Variants in F5 observed in about 807,000 individuals in gnomAD.
The protein encoded by F5 is coagulation factor V.
F5 carries 138 observed loss-of-function variants against 216.4 expected under a neutral mutation model. The observed-to-expected ratio is 0.64, with a 90% CI of 0.56 to 0.73. The LOEUF (loss-of-function observed/expected upper bound fraction) is 0.73, where lower values mean the gene tolerates loss of function less well. Among genes scored for constraint, F5 ranks in the 30% least tolerant of loss-of-function variants. F5 has a pLI of 0.00. For synonymous variants in F5, 916 were observed against 930.7 expected, an observed-to-expected ratio of 0.98 and a Z score of 0.29; for missense variants, 2,403 against 2,674.0, an observed-to-expected ratio of 0.90 and a Z score of 2.24.
In F5 at chr1:169,542,719, G is replaced by C; in HGVS notation, c.2371C>G (p.Leu791Val). 1.9e-6 allele frequency: 3 copies of C among 1,614,134 alleles called. No homozygotes were observed. The highest frequency in any genetic ancestry group is 2.5e-6 in the Non-Finnish European group (3 of 1,179,996). ...GAAGGGGCTTTCTGAGGTTCTGCAAGGTTATTGACAGTGAACTTACTAATA... is the reference window on the plus strand; with the variant it reads ...GAAGGGGCTTTCTGAGGTTCTGCAACGTTATTGACAGTGAACTTACTAATA... ...SNISKFTVNN[L>V]AEPQKAPSHQ... is the part of the protein sequence containing the mutation. The change falls in exon 13 of 25, where the codon CTT becomes GTT. Residue 791 changes from leucine (L) to valine (V), a missense_variant. This residue lies in a region of F5 where 1,425 missense variants were observed against 1,554.8 expected (regional missense o/e 0.92). Coordinates refer to ENST00000367797, the MANE Select transcript of F5 (RefSeq NM_000130.5).
intron 21 of F5, among the ~76,000 whole-genome samples, chr1:169,522,909 C>T (rs1371564220): frequency 6.6e-6 from 1 of 152,140 alleles, no homozygotes; most frequent in African/African-American, 2.4e-5. Flanking sequence ...TTCTACTCTG[C>T]CGTATACCAT....
chr1:169,547,825 C>G (rs536535570), intron 10 of F5, among the ~76,000 whole-genome samples: 1 of 152,192 alleles, frequency 6.6e-6, no homozygotes, highest in African/African-American at 2.4e-5. Context: ...TTGAACCCAG[C>G]AATTCCATTA....
At chr1:169,550,570 G>C in intron 9 of F5, 70 bp downstream of exon 9, 7 of 1,176,252 alleles carry the variant, frequency 6.0e-6, no homozygotes, top group Non-Finnish European at 8.9e-6. Context: ...CGGGCAAGGA[G>C]AATAGCAGAA....
chr1:169,571,913 A>C (rs1011577662), intron 3 of F5, among the ~76,000 whole-genome samples: 1 of 152,176 alleles, frequency 6.6e-6, no homozygotes, highest in Non-Finnish European at 1.5e-5. Context: ...CCCCCGCCTT[A>C]AACCATCTTT....
In F5 at chr1:169,514,202, A is replaced by G. The variant is rs1024479421; in HGVS notation, c.*111T>C. 1.0e-5 allele frequency: 12 copies of G among 1,154,428 alleles called. No homozygotes were observed. The African/African-American group carries it at 1.5e-4, about 15-fold the overall frequency. The allele number at this position is 1,154,428 out of a possible 1,614,324, so 71.5% of individuals were successfully genotyped here. A position where few individuals can be genotyped will look rare whatever the true frequency, so the allele number is the denominator to read the frequency against. On this transcript the variant is annotated 3_prime_UTR_variant, in exon 25 of 25. Transcript: ENST00000367797. ...AATTTTATTCACTAATAGAAAAGAAAGAGAAATAGTGGAAAACTGTTAACA... is the reference window on the plus strand; with the variant it reads ...AATTTTATTCACTAATAGAAAAGAAGGAGAAATAGTGGAAAACTGTTAACA...
chr1:169,540,473 A>G lies in F5; in HGVS notation c.4617T>C (p.Ala1539=). The change falls in exon 13 of 25, where the codon GCT becomes GCC. Residue 1539 remains alanine, a synonymous_variant. Transcript: ENST00000367797. The part of the protein sequence containing the change: ...EEVQSSEDDY[A]EIDYVPYDDP... The stretch of plus-strand genomic sequence containing the variant: ...CATCATAGGGCACATAATCAATTTC[A>G]GCATAGTCATCTTCACTGCTCTGGA... The G allele has an allele frequency of 3.7e-6, 6 of 1,614,030 alleles. No homozygotes were observed. Among genetic ancestry groups the G allele is most frequent in the Non-Finnish European group, 5.1e-6 (6 of 1,179,960 alleles).
In F5 at chr1:169,513,475, A is replaced by G. The variant is rs376103455; in HGVS notation, c.*838T>C. ...GAGGCCATAGAGAGGAAGGCCCTGA[A>G]AGAAAACTTTAACTGCTTGCCAGTT... On this transcript the variant is annotated 3_prime_UTR_variant, in exon 25 of 25. Transcript: ENST00000367797. Among the ~76,000 whole-genome samples the G allele has an allele frequency of 2.5e-4, 38 of 152,262 alleles. No individual in the cohort carries two copies. The East Asian group carries it at 7.3e-3, about 29-fold the overall frequency.
At chr1:169,521,018 T>A (rs907534188) in intron 21 of F5, among the ~76,000 whole-genome samples, 1 of 152,068 alleles carries the variant, frequency 6.6e-6, no homozygotes, top group Non-Finnish European at 1.5e-5. Context: ...GACTTAGAGA[T>A]GAAGAAGCCG....
At chr1:169,535,419 G>A (rs918462993) in intron 14 of F5, among the ~76,000 whole-genome samples, 2 of 152,156 alleles carry the variant, frequency 1.3e-5, no homozygotes, top group African/African-American at 4.8e-5. Context: ...CTTTAGGAAT[G>A]CAAGTGGTTT....
At chr1:169,585,541 T>C (rs781605339) in intron 1 of F5, among the ~76,000 whole-genome samples, 5 of 152,196 alleles carry the variant, frequency 3.3e-5, no homozygotes, top group Non-Finnish European at 7.3e-5. Context: ...TAGTATTTTA[T>C]CTGAATTAAA....
At chr1:169,578,233 C>G (rs1660908298) in intron 2 of F5, among the ~76,000 whole-genome samples, 1 of 152,156 alleles carries the variant, frequency 6.6e-6, no homozygotes, top group Non-Finnish European at 1.5e-5. Context: ...GTCGAAACAC[C>G]TTTGTCCACA....
chr1:169,579,397 G>A (rs1305233121), intron 2 of F5, among the ~76,000 whole-genome samples: 4 of 152,034 alleles, frequency 2.6e-5, no homozygotes, highest in Non-Finnish European at 5.9e-5. Flanking sequence ...TCCTCCCTGG[G>A]TGAGTTCACA....
rs1471977901 is a variant in F5 at position 169,523,905 on chromosome 1, C to A, written c.5789-1G>T. The stretch of plus-strand genomic sequence containing the variant: ...CTTGCTAATCTGGGCTCCCAGTAAC[C>A]TAAACTCAAGGGAAGAAAAAGATTT... On this transcript the variant is annotated splice_acceptor_variant, in intron 19 of 24. Transcript: ENST00000367797. LOFTEE classifies it high-confidence loss of function. 2.5e-6 allele frequency: 4 copies of A among 1,610,144 alleles called. No individual in the cohort carries two copies. In the Admixed American group the frequency reaches 5.0e-5, roughly 20 times the overall value.
At chr1:169,546,690 A>C in intron 10 of F5, 98 bp from the exon 11 acceptor site, 1 of 1,052,920 alleles carries the variant, frequency 9.5e-7, no homozygotes, top group Non-Finnish European at 1.5e-6. Flanking sequence ...ACCTACAACT[A>C]TCTGATCTGT....
At position 169,529,594 on chromosome 1, in the gene F5, T is replaced by C; in HGVS notation, c.5419+14A>G. On this transcript the variant is annotated intron_variant, in intron 16 of 24. Transcript: ENST00000367797. Reference sequence around the variant, plus strand: ...ATTTAATTAGGAGATTAGATCAAAGTCTGAGGAAAATACCGTGAAACTCAT... The same window carrying C: ...ATTTAATTAGGAGATTAGATCAAAGCCTGAGGAAAATACCGTGAAACTCAT... 6.2e-7 allele frequency: 1 copy of C among 1,609,990 alleles called. No individual in the cohort carries two copies. The highest frequency in any genetic ancestry group is 8.5e-7 in the Non-Finnish European group (1 of 1,176,560).
At chr1:169,517,894 A>G (rs1370612173) in intron 23 of F5, among the ~76,000 whole-genome samples, 3 of 152,196 alleles carry the variant, frequency 2.0e-5, no homozygotes, top group Non-Finnish European at 4.4e-5. Flanking sequence ...AAAAAATAAG[A>G]GATGATGTTG....
chr1:169,515,975 G>A (rs796393584), intron 23 of F5, among the ~76,000 whole-genome samples: 1 of 152,102 alleles, frequency 6.6e-6, no homozygotes, highest in Admixed American at 6.6e-5. Flanking sequence ...ATGAATAAAT[G>A]AGCTTTATTT....
Position 169,544,435 on chromosome 1 carries a change from G to A in F5, c.1836C>T (p.Phe612=), listed in dbSNP as rs756293531. The A allele has an allele frequency of 6.2e-7, 1 of 1,614,058 alleles. No individual in the cohort carries two copies. The highest frequency in any genetic ancestry group is 8.5e-7 in the Non-Finnish European group (1 of 1,180,028). Residue 612 remains phenylalanine (F), a synonymous_variant, in exon 12 of 25, where the codon TTC becomes TTT. Transcript: ENST00000367797. ...FCFDDTVQWH[F]CSVGTQNEIL... ...TTTCATTCTGGGTCCCCACACTACAGAAGTGCCACTGGACAGTGTCATCAA... is the reference window on the plus strand; with the variant it reads ...TTTCATTCTGGGTCCCCACACTACAAAAGTGCCACTGGACAGTGTCATCAA...
intron 14 of F5, among the ~76,000 whole-genome samples, chr1:169,535,769 A>C (rs1163727584): frequency 1.3e-5 from 2 of 152,234 alleles, no homozygotes; most frequent in Non-Finnish European, 2.9e-5. Context: ...AGAATAATTA[A>C]GATTCTTATA....
Sources: allele counts gnomAD v4.1 joint callset (sites outside exome capture counted in the v4.1 genomes callset), GRCh38; gene constraint gnomAD v4.1.1; regional missense constraint gnomAD v4.1.1; transcripts MANE v1.5; gene names NCBI Gene and HGNC (gene_info 2026-07-23, HGNC 2026-07-21).